Variants in MECOM observed in about 807,000 individuals in gnomAD.
The protein encoded by MECOM is MDS1 and EVI1 complex locus.
In MECOM, 13 loss-of-function variants were observed where a neutral mutation model predicts 116.3. The observed-to-expected ratio is 0.11, with a 90% CI of 0.07 to 0.18. The LOEUF (loss-of-function observed/expected upper bound fraction) is 0.18, where lower values mean the gene tolerates loss of function less well. Among genes scored for constraint, MECOM ranks in the 10% least tolerant of loss-of-function variants. The pLI is 1.00. For synonymous variants in MECOM, 528 were observed against 535.2 expected (o/e 0.99, Z 0.19); for missense variants, 1,299 against 1,509.0 (o/e 0.86, Z 2.31).
At chr3:169,325,160 G>A (rs550743493) in intron 2 of MECOM, among the ~76,000 whole-genome samples, 6 of 152,238 alleles carry the variant, frequency 3.9e-5, no homozygotes, top group South Asian at 4.2e-4. Context: ...TGGACACTGC[G>A]GAGCACACCA....
At chr3:169,147,474 T>A in intron 2 of MECOM, 3 of 985,418 alleles carry the variant, frequency 3.0e-6, no homozygotes, top group East Asian at 1.1e-4. Context: ...AGTGATCTGA[T>A]CGGAAGCCAG....
chr3:169,113,117 C>T lies in MECOM; in HGVS notation c.2490-243G>A, dbSNP rs149398736. On this transcript the variant is annotated intron_variant, in intron 8 of 16. Transcript: ENST00000651503. ...ACTGAATGACTAGGAATAGGAATAA[C>T]GAGAAAACATGAAAAATAAGGAGTC... 1.6e-3 allele frequency among the ~76,000 whole-genome samples: 248 copies of T among 151,970 alleles called. 1 individual carries two copies. Among genetic ancestry groups the T allele is most frequent in the South Asian group, 9.4e-3 (45 of 4,806 alleles).
intron 1 of MECOM, among the ~76,000 whole-genome samples, chr3:169,393,864 G>A (rs764922014): frequency 6.6e-6 from 1 of 152,036 alleles, no homozygotes; most frequent in Non-Finnish European, 1.5e-5. Context: ...GCTAAAGAAA[G>A]CAAGAAAATT....
At chr3:169,323,287 C>G (rs1721238092) in intron 2 of MECOM, among the ~76,000 whole-genome samples, 1 of 152,128 alleles carries the variant, frequency 6.6e-6, no homozygotes, top group Non-Finnish European at 1.5e-5. Context: ...TTCTTTACCC[C>G]TCCTTCCCCC....
intron 2 of MECOM, among the ~76,000 whole-genome samples, chr3:169,282,321 G>T (rs1379139806): frequency 6.6e-6 from 1 of 152,112 alleles, no homozygotes; most frequent in Non-Finnish European, 1.5e-5. Flanking sequence ...ATGCACAGGA[G>T]TAGCCCATGA....
At chr3:169,381,804 T>C (rs183669040) in intron 1 of MECOM, among the ~76,000 whole-genome samples, 1 of 152,290 alleles carries the variant, frequency 6.6e-6, no homozygotes, top group African/African-American at 2.4e-5. Context: ...TGGGAAACAA[T>C]CAGCAACTTC....
intron 2 of MECOM, among the ~76,000 whole-genome samples, chr3:169,379,006 TCTAA>T (rs1429746949): frequency 2.6e-5 from 4 of 152,058 alleles, no homozygotes; most frequent in East Asian, 1.9e-4. Context: ...CACAATTATC[TCTAA>T]CTAAATAGGA....
At chr3:169,263,851 C>T (rs982368779) in intron 2 of MECOM, among the ~76,000 whole-genome samples, 1 of 151,606 alleles carries the variant, frequency 6.6e-6, no homozygotes, top group Admixed American at 6.6e-5. Flanking sequence ...AATAAAATTA[C>T]TTCTGGTTTA....
chr3:169,182,581 G>A (rs2149399152), intron 2 of MECOM, among the ~76,000 whole-genome samples: 1 of 152,208 alleles, frequency 6.6e-6, no homozygotes, highest in South Asian at 2.1e-4. Context: ...TAATTTTGGT[G>A]GCACAGAGAT....
chr3:169,644,305 G>A (rs554461912), intron 1 of MECOM, among the ~76,000 whole-genome samples: 235 of 151,762 alleles, frequency 1.5e-3, no homozygotes, highest in African/African-American at 5.2e-3. Context: ...CGCCCAGGCT[G>A]GAGGGCAGTG....
chr3:169,224,512 A>G (rs910892675), intron 2 of MECOM, among the ~76,000 whole-genome samples: 1 of 152,190 alleles, frequency 6.6e-6, no homozygotes, highest in Non-Finnish European at 1.5e-5. Context: ...CATATAGAAA[A>G]GTACAGTGCT....
At chr3:169,564,710 T>A (rs1475917124) in intron 1 of MECOM, among the ~76,000 whole-genome samples, 3 of 152,252 alleles carry the variant, frequency 2.0e-5, no homozygotes, top group African/African-American at 7.2e-5. Flanking sequence ...TCTCCATTTT[T>A]TTCCTCTGAA....
intron 2 of MECOM, among the ~76,000 whole-genome samples, chr3:169,311,415 T>A (rs1407772554): frequency 1.3e-5 from 2 of 152,216 alleles, no homozygotes; most frequent in East Asian, 3.8e-4. Flanking sequence ...TTTGAATAAC[T>A]GTCTTAAAAT....
intron 1 of MECOM, among the ~76,000 whole-genome samples, chr3:169,514,291 G>T (rs1756347892): frequency 8.5e-6 from 1 of 118,306 alleles, no homozygotes; most frequent in Non-Finnish European, 1.7e-5. Flanking sequence ...CAGTTCTTAA[G>T]CACAGAGTCA....
In MECOM at chr3:169,223,286, TC is replaced by T. The variant is rs1277900109; in HGVS notation, c.376-79455del. ...AATGCTATCCCTCCCCCCTCCCCCC[TC>T]CCCCCACCCCACAACAGGCCCCATT... On this transcript the variant is annotated intron_variant, in intron 2 of 16. Transcript: ENST00000651503. Among the ~76,000 whole-genome samples the T allele has an allele frequency of 9.9e-4, 29 of 29,210 alleles. 1 individual carries two copies. The highest frequency in any genetic ancestry group is 3.3e-3 in the African/African-American group (26 of 7,798). The allele number at this position is 29,210 out of a possible 152,430, so 19.2% of individuals were successfully genotyped here.
intron 1 of MECOM, among the ~76,000 whole-genome samples, chr3:169,411,858 G>T (rs1737607498): frequency 6.6e-6 from 1 of 152,192 alleles, no homozygotes; most frequent in African/African-American, 2.4e-5. Flanking sequence ...AGGCATGGTA[G>T]TGCATGCCTG....
chr3:169,289,634 C>T (rs768585610), intron 2 of MECOM, among the ~76,000 whole-genome samples: 1 of 152,148 alleles, frequency 6.6e-6, no homozygotes, highest in Admixed American at 6.5e-5. Flanking sequence ...ATCTCTTACT[C>T]GGCATTTGTA....
At chr3:169,176,155 A>C (rs1013615352) in intron 2 of MECOM, among the ~76,000 whole-genome samples, 31 of 149,656 alleles carry the variant, frequency 2.1e-4, no homozygotes, top group African/African-American at 6.1e-4. Flanking sequence ...AAAAAAAAAA[A>C]CCCCTCATAT....
rs554844312 is a variant in MECOM at position 169,288,149 on chromosome 3, G to GA, written c.375+93037dup. Among the ~76,000 whole-genome samples, 10 of 151,704 alleles carry GA rather than the reference G, an allele frequency of 6.6e-5. No homozygotes were observed. The East Asian group carries it at 1.7e-3, about 26-fold the overall frequency. On this transcript the variant is annotated intron_variant, in intron 2 of 16. Coordinates refer to ENST00000651503, the MANE Select transcript of MECOM (RefSeq NM_004991.4). The stretch of plus-strand genomic sequence containing the variant: ...CAGAGAATACAAATGAACCATTATG[G>GA]AAAAAACAGAAAATTCTGCTTTCTC...
Sources: gnomAD v4.1 joint callset for allele counts (sites outside exome capture counted in the v4.1 genomes callset) on GRCh38, gnomAD v4.1.1 for gene constraint, MANE v1.5 for transcripts, NCBI Gene and HGNC (gene_info 2026-07-23, HGNC 2026-07-21) for gene names.